CTNNA3: variants seen among roughly 807,000 people sequenced by gnomAD.
The protein encoded by CTNNA3 is catenin alpha-3.
Under a neutral mutation model 95.7 loss-of-function variants are expected in CTNNA3, and 76 were observed. That is an observed-to-expected ratio of 0.79 (90% CI 0.66 to 0.96). CTNNA3 has a LOEUF of 0.96. Ranked by LOEUF, CTNNA3 falls within the 40% of genes least tolerant of loss-of-function variation. CTNNA3 has a pLI of 0.00. For missense variants in CTNNA3, 1,191 were observed against 1,089.8 expected, an observed-to-expected ratio of 1.09 and a Z score of -1.31; for synonymous variants, 431 against 374.4, an observed-to-expected ratio of 1.15 and a Z score of -1.74.
intron 13 of CTNNA3, among the ~76,000 whole-genome samples, chr10:66,121,173 C>CAACA (rs1307265962): frequency 9.9e-5 from 15 of 152,136 alleles, no homozygotes; most frequent in African/African-American, 3.4e-4. Context: ...AGACTAAGTA[C>CAACA]AACACAGAAG....
At chr10:66,966,627 C>T (rs369156687) in intron 7 of CTNNA3, among the ~76,000 whole-genome samples, 8 of 151,886 alleles carry the variant, frequency 5.3e-5, no homozygotes, top group South Asian at 4.1e-4. Context: ...ACCTAATTTA[C>T]GGCGAGGGGG....
rs943102863 is a variant in CTNNA3 at position 66,889,795 on chromosome 10, T to G, written c.1048-114271A>C. The stretch of plus-strand genomic sequence containing the variant: ...AGATCAGGGGAACCACAGACCTTTT[T>G]TTTTTTTTTTTTTGAGACAGAGTCT... On this transcript the variant is annotated intron_variant, in intron 7 of 17. Transcript: ENST00000433211. 3.5e-4 allele frequency among the ~76,000 whole-genome samples: 52 copies of G among 150,598 alleles called. 1 individual carries two copies. In the South Asian group the frequency reaches 0.01, roughly 30 times the overall value.
intron 11 of CTNNA3, among the ~76,000 whole-genome samples, chr10:66,492,471 A>G (rs1280916464): frequency 6.8e-6 from 1 of 148,012 alleles, no homozygotes; most frequent in Non-Finnish European, 1.5e-5. Flanking sequence ...TTTTTTTGGT[A>G]GAGACAGGGT....
At chr10:65,940,755 T>C (rs565308055) in intron 17 of CTNNA3, among the ~76,000 whole-genome samples, 68 of 152,314 alleles carry the variant, frequency 4.5e-4, no homozygotes, top group Admixed American at 1.1e-3. Context: ...TTTGGGATTA[T>C]ATCCTGTTCA....
chr10:66,295,208 T>C (rs1463735605), intron 12 of CTNNA3, among the ~76,000 whole-genome samples: 1 of 152,224 alleles, frequency 6.6e-6, no homozygotes, highest in African/African-American at 2.4e-5. Flanking sequence ...TACATTGTAA[T>C]AGAGACTTAA....
At chr10:67,247,551 A>G (rs1010233718) in intron 5 of CTNNA3, among the ~76,000 whole-genome samples, 1 of 152,226 alleles carries the variant, frequency 6.6e-6, no homozygotes, top group Admixed American at 6.5e-5. Context: ...GGATTAGAAA[A>G]CAGTATTTTT....
intron 9 of CTNNA3, among the ~76,000 whole-genome samples, chr10:66,682,026 T>C (rs1258950153): frequency 6.6e-6 from 1 of 152,140 alleles, no homozygotes; most frequent in Non-Finnish European, 1.5e-5. Context: ...GCGTGTCAGG[T>C]CCTTTGTAGT....
At chr10:66,360,662 C>CTTTTCTTTCTTTCTTT in intron 12 of CTNNA3, among the ~76,000 whole-genome samples, 1 of 26,834 alleles carries the variant, frequency 3.7e-5, no homozygotes, top group East Asian at 1.0e-3. Flanking sequence ...TTTCTTTCTT[C>CTTTTCTTTCTTTCTTT]CTTCCTTCCT....
At chr10:67,219,429 C>A (rs1433940693) in intron 6 of CTNNA3, among the ~76,000 whole-genome samples, 178 bp downstream of exon 6, 1 of 152,192 alleles carries the variant, frequency 6.6e-6, no homozygotes, top group Non-Finnish European at 1.5e-5. Flanking sequence ...CAGAAGTTTA[C>A]TAACAGAGTA....
At chr10:67,018,422 A>T (rs1463038353) in intron 7 of CTNNA3, among the ~76,000 whole-genome samples, 1 of 152,226 alleles carries the variant, frequency 6.6e-6, no homozygotes, top group Non-Finnish European at 1.5e-5. Context: ...CCAAAACCAC[A>T]TTTGTATTTT....
At chr10:66,093,546 ACT>A (rs770320491) in intron 14 of CTNNA3, among the ~76,000 whole-genome samples, 55 of 152,146 alleles carry the variant, frequency 3.6e-4, no homozygotes, top group Non-Finnish European at 3.7e-4. Context: ...GAAAATCCTA[ACT>A]CTCTGTCAGA....
chr10:66,621,343 G>T (rs1177087443), intron 10 of CTNNA3, among the ~76,000 whole-genome samples: 1 of 151,934 alleles, frequency 6.6e-6, no homozygotes, highest in Admixed American at 6.6e-5. Flanking sequence ...AAACATTTTG[G>T]CTGGGCACGG....
chr10:66,762,165 AG>A (rs1839625158), intron 9 of CTNNA3, among the ~76,000 whole-genome samples: 1 of 152,170 alleles, frequency 6.6e-6, no homozygotes, highest in Non-Finnish European at 1.5e-5. Flanking sequence ...CCTGTTCAAT[AG>A]ATTTTATTGG....
intron 13 of CTNNA3, among the ~76,000 whole-genome samples, chr10:66,155,888 G>A (rs1207937576): frequency 1.3e-5 from 2 of 151,432 alleles, no homozygotes; most frequent in African/African-American, 2.4e-5. Flanking sequence ...TGTGAGGAGC[G>A]TTTCCCAGAA....
intron 11 of CTNNA3, among the ~76,000 whole-genome samples, chr10:66,501,366 T>G (rs1009136190): frequency 1.3e-5 from 2 of 152,144 alleles, no homozygotes; most frequent in Non-Finnish European, 2.9e-5. Context: ...ATTACTTTGT[T>G]GATAGAAAGA....
intron 5 of CTNNA3, among the ~76,000 whole-genome samples, chr10:67,283,799 G>A (rs566358504): frequency 1.6e-4 from 24 of 152,256 alleles, no homozygotes; most frequent in Non-Finnish European, 3.1e-4. Flanking sequence ...TTTCTTCAGA[G>A]GAGGCAAGAA....
At chr10:66,232,488 T>C (rs945311210) in intron 13 of CTNNA3, among the ~76,000 whole-genome samples, 14 of 152,230 alleles carry the variant, frequency 9.2e-5, no homozygotes, top group African/African-American at 3.1e-4. Flanking sequence ...TTTAAAGATT[T>C]CAGTTCTCTT....
At chr10:66,645,521 C>T (rs1425614518) in intron 9 of CTNNA3, among the ~76,000 whole-genome samples, 3 of 152,098 alleles carry the variant, frequency 2.0e-5, no homozygotes, top group African/African-American at 7.2e-5. Context: ...GTTGAATATA[C>T]AGATTTTTGT....
At position 66,237,563 on chromosome 10, in the gene CTNNA3, A is replaced by AT. The variant is rs35983423; in HGVS notation, c.1884+42906dup. Among the ~76,000 whole-genome samples the AT allele has an allele frequency of 5.9e-3, 885 of 149,594 alleles. 8 individuals are homozygous for AT. Among genetic ancestry groups the AT allele is most frequent in the Middle Eastern group, 0.017 (5 of 286 alleles). ...ACCAAGTACATAATAGAGTTTTGTG[A>AT]TTTTTTTTTTTAAAAGGGGTGTGAA... On this transcript the variant is annotated intron_variant, in intron 13 of 17. Coordinates refer to ENST00000433211, the MANE Select transcript of CTNNA3 (RefSeq NM_013266.4).
Sources: gnomAD v4.1 joint callset for allele counts (sites outside exome capture counted in the v4.1 genomes callset) on GRCh38, gnomAD v4.1.1 for gene constraint, MANE v1.5 for transcripts, NCBI Gene and HGNC (gene_info 2026-07-23, HGNC 2026-07-21) for gene names.